SAMD12: variants seen among roughly 807,000 people sequenced by gnomAD.
SAMD12 encodes sterile alpha motif domain containing 12.
SAMD12 carries 9 observed loss-of-function variants against 15.0 expected under a neutral mutation model. That is an observed-to-expected ratio of 0.60 (90% CI 0.36 to 1.05). SAMD12 has a LOEUF of 1.05. Ranked by LOEUF, SAMD12 falls within the 50% of genes least tolerant of loss-of-function variation. The pLI is 0.01. For synonymous variants in SAMD12, 86 were observed against 90.1 expected, an observed-to-expected ratio of 0.96 and a Z score of 0.25; for missense variants, 230 against 234.2, an observed-to-expected ratio of 0.98 and a Z score of 0.12.
chr8:118,534,749 T>C (rs932891145), intron 2 of SAMD12, among the ~76,000 whole-genome samples: 9 of 152,240 alleles, frequency 5.9e-5, no homozygotes, highest in African/African-American at 2.2e-4. Context: ...TACTGAAGCT[T>C]GTGCATGCAC....
In SAMD12 at chr8:118,347,953, G is replaced by C. The variant is rs181936915; in HGVS notation, c.433+31607C>G. ...TCTGACTGCCGGGGCTAGTTTCCCA[G>C]CTGTGCCAGTGATCAGCTGTATAGC... On this transcript the variant is annotated intron_variant, in intron 4 of 4. Coordinates refer to the SAMD12 transcript ENST00000409003. Among the ~76,000 whole-genome samples the C allele has an allele frequency of 2.9e-3, 437 of 152,330 alleles. 2 individuals carry two copies. The highest frequency in any genetic ancestry group is 6.8e-3 in the Middle Eastern group (2 of 294).
intron 2 of SAMD12, among the ~76,000 whole-genome samples, chr8:118,534,771 C>T (rs535163383): frequency 5.2e-4 from 79 of 152,272 alleles, no homozygotes; most frequent in South Asian, 5.0e-3. Context: ...ATGTAGTTCT[C>T]GTGCCATGGT....
intron 2 of SAMD12, among the ~76,000 whole-genome samples, chr8:118,490,897 A>G (rs1824422988): frequency 6.6e-6 from 1 of 151,112 alleles, no homozygotes; most frequent in South Asian, 2.1e-4. Context: ...TTGGGTTGCT[A>G]TGTCCAACTA....
intron 1 of SAMD12, among the ~76,000 whole-genome samples, chr8:118,581,899 T>C (rs891401875): frequency 1.3e-5 from 2 of 152,170 alleles, no homozygotes; most frequent in African/African-American, 4.8e-5. Context: ...TAAGGCCAGA[T>C]ACTTAATACC....
the SAMD12 span, among the ~76,000 whole-genome samples, chr8:118,166,970 C>T: frequency 6.6e-6 from 1 of 152,070 alleles, no homozygotes; most frequent in Admixed American, 6.5e-5. Context: ...TGCTGGAATG[C>T]AGTTTCCCTC....
intron 4 of SAMD12, among the ~76,000 whole-genome samples, chr8:118,320,240 A>G (rs1816160717): frequency 6.6e-6 from 1 of 152,218 alleles, no homozygotes; most frequent in Non-Finnish European, 1.5e-5. Context: ...GTTGAGAGTG[A>G]AAGTCCAAAA....
At chr8:118,198,232 C>T (rs573277502) in intron 4 of SAMD12, among the ~76,000 whole-genome samples, 18 of 152,044 alleles carry the variant, frequency 1.2e-4, no homozygotes, top group South Asian at 8.3e-4. Context: ...TTGCTAGTTG[C>T]GAAGTCAGAT....
chr8:118,339,960 G>A (rs971305688), intron 4 of SAMD12, among the ~76,000 whole-genome samples: 1 of 152,206 alleles, frequency 6.6e-6, no homozygotes, highest in African/African-American at 2.4e-5. Flanking sequence ...TGCTGCCTGT[G>A]TTCAATAGAC....
At chr8:118,518,134 G>A (rs575966451) in intron 2 of SAMD12, among the ~76,000 whole-genome samples, 15 of 152,262 alleles carry the variant, frequency 9.9e-5, no homozygotes, top group African/African-American at 3.4e-4. Flanking sequence ...AATCACTGTG[G>A]CCAAAGGGAT....
rs777830432 is a variant in SAMD12 at position 118,379,159 on chromosome 8, C to T, written c.*258G>A. The T allele has an allele frequency of 4.1e-5, 50 of 1,216,362 alleles. No homozygotes were observed. Among genetic ancestry groups the T allele is most frequent in the Non-Finnish European group, 5.1e-5 (50 of 973,210 alleles). 75.3% of individuals were successfully genotyped at this position (1,216,362 alleles called of 1,614,324 possible). A position where few individuals can be genotyped will look rare whatever the true frequency, so the allele number is the denominator to read the frequency against. On this transcript the variant is annotated 3_prime_UTR_variant, in exon 4 of 4. Coordinates refer to ENST00000314727, the MANE Select transcript of SAMD12 (RefSeq NM_207506.3). ...TGAATCACTCAAATGCTAAAGCGCC[C>T]TCACAATTGGCGCAGGTGAAGATAG...
chr8:118,141,849 G>C, the SAMD12 span, among the ~76,000 whole-genome samples: 1 of 152,182 alleles, frequency 6.6e-6, no homozygotes, highest in Non-Finnish European at 1.5e-5. Context: ...GCAGAGAGAA[G>C]AATAACAGAG....
At chr8:118,421,044 G>GC (rs1480618571) in intron 3 of SAMD12, among the ~76,000 whole-genome samples, 27 of 152,250 alleles carry the variant, frequency 1.8e-4, no homozygotes, top group Middle Eastern at 3.4e-3. Context: ...AAAAAAGTTT[G>GC]CCTAAACCCA....
intron 1 of SAMD12, among the ~76,000 whole-genome samples, chr8:118,611,301 G>A (rs930439619): frequency 2.0e-5 from 3 of 152,032 alleles, no homozygotes; most frequent in Non-Finnish European, 4.4e-5. Flanking sequence ...ATGTAAAAAG[G>A]CTTAGAAAGC....
At chr8:118,187,833 G>A (rs1313892787), downstream of SAMD12, among the ~76,000 whole-genome samples, 1 of 152,116 alleles carries the variant, frequency 6.6e-6, no homozygotes. Flanking sequence ...GTTTGCAGAG[G>A]TTGCTAGGCT....
At chr8:118,213,062 A>T (rs1214647637) in intron 4 of SAMD12, among the ~76,000 whole-genome samples, 1 of 152,196 alleles carries the variant, frequency 6.6e-6, no homozygotes, top group Non-Finnish European at 1.5e-5. Context: ...TTTGGCAAAG[A>T]GATAAAATAC....
intron 4 of SAMD12, among the ~76,000 whole-genome samples, chr8:118,287,677 A>C (rs1341485161): frequency 1.3e-5 from 2 of 152,146 alleles, no homozygotes; most frequent in African/African-American, 4.8e-5. Flanking sequence ...ACTAGGGGGA[A>C]AGGGACATTT....
intron 4 of SAMD12, among the ~76,000 whole-genome samples, chr8:118,220,340 C>T (rs574326857): frequency 1.3e-4 from 20 of 152,066 alleles, no homozygotes; most frequent in Non-Finnish European, 1.8e-4. Context: ...CTATTTAAAT[C>T]GACATAAATA....
At chr8:118,496,022 TATA>T (rs1234348697) in intron 2 of SAMD12, among the ~76,000 whole-genome samples, 2 of 152,084 alleles carry the variant, frequency 1.3e-5, no homozygotes, top group Non-Finnish European at 2.9e-5. Context: ...CAAAGATCTC[TATA>T]ATAAGAATGA....
chr8:118,304,007 T>C (rs1056066344), intron 4 of SAMD12, among the ~76,000 whole-genome samples: 9 of 152,204 alleles, frequency 5.9e-5, no homozygotes, highest in Non-Finnish European at 8.8e-5. Flanking sequence ...GACTCCCCTC[T>C]ATTCTCTGTT....
Sources: gnomAD v4.1 joint callset for allele counts (sites outside exome capture counted in the v4.1 genomes callset) on GRCh38, gnomAD v4.1.1 for gene constraint, MANE v1.5 for transcripts, NCBI Gene and HGNC (gene_info 2026-07-23, HGNC 2026-07-21) for gene names.